ST6GALNAC5: variants seen among roughly 807,000 people sequenced by gnomAD.
The protein encoded by ST6GALNAC5 is ST6 N-acetylgalactosaminide alpha-2,6-sialyltransferase 5, also known as alpha-N-acetylgalactosaminide alpha-2,6-sialyltransferase 5.
A neutral mutation model predicts 33.6 loss-of-function variants in ST6GALNAC5; 27 were observed. That is an observed-to-expected ratio of 0.80 (90% CI 0.59 to 1.11). The LOEUF is 1.11. Ranked by LOEUF, ST6GALNAC5 falls within the 50% of genes least tolerant of loss-of-function variation. ST6GALNAC5 has a pLI of 0.00. For synonymous variants in ST6GALNAC5, 194 were observed against 171.2 expected (o/e 1.13, Z -1.04); for missense variants, 428 against 454.0 (o/e 0.94, Z 0.52).
At chr1:76,913,291 G>C (rs1345164946) in intron 2 of ST6GALNAC5, among the ~76,000 whole-genome samples, 1 of 151,616 alleles carries the variant, frequency 6.6e-6, no homozygotes, top group Non-Finnish European at 1.5e-5. Context: ...GAGATCTGCT[G>C]TTAGTCTGAT....
chr1:76,929,828 G>A (rs1647121303), intron 2 of ST6GALNAC5, among the ~76,000 whole-genome samples: 1 of 151,936 alleles, frequency 6.6e-6, no homozygotes, highest in Admixed American at 6.6e-5. Flanking sequence ...ATTAAAACTG[G>A]GGCCAGGAGT....
chr1:77,039,421 G>A (rs1039200593), intron 2 of ST6GALNAC5, among the ~76,000 whole-genome samples: 17 of 152,336 alleles, frequency 1.1e-4, no homozygotes, highest in Admixed American at 5.9e-4. Flanking sequence ...GTGGCAAATG[G>A]CCACAGCCTC....
chr1:76,927,335 T>G (rs1647095806), intron 2 of ST6GALNAC5, among the ~76,000 whole-genome samples: 1 of 152,094 alleles, frequency 6.6e-6, no homozygotes, highest in Non-Finnish European at 1.5e-5. Flanking sequence ...TATTGATATT[T>G]CTCAACACTA....
chr1:77,044,559 G>C lies in ST6GALNAC5; in HGVS notation c.617G>C (p.Arg206Pro), dbSNP rs145379056. ...CGGCTGAAGGCCTTCATGATTACTC[G>C]CCACAAGATGCTGCAGTTTGATGAG... ...LPRLKAFMIT[R>P]HKMLQFDELF... The change falls in exon 3 of 5, where the codon CGC (arginine) becomes CCC (proline). Residue 206 changes from arginine (R) to proline (P), a missense_variant. Arg to Pro is a moderately radical substitution (Grantham distance 103, BLOSUM62 -2). Transcript: ENST00000477717. The C allele has an allele frequency of 2.5e-6, 4 of 1,592,270 alleles. No individual in the cohort carries two copies. The highest frequency in any genetic ancestry group is 3.4e-4 in the Middle Eastern group (2 of 5,946).
intron 2 of ST6GALNAC5, among the ~76,000 whole-genome samples, chr1:77,032,457 A>C (rs897177143): frequency 2.0e-5 from 3 of 152,204 alleles, no homozygotes; most frequent in African/African-American, 4.8e-5. Flanking sequence ...GATTAACGTC[A>C]ACAGACATAC....
chr1:76,936,669 T>A (rs560165899), intron 2 of ST6GALNAC5, among the ~76,000 whole-genome samples: 1 of 152,196 alleles, frequency 6.6e-6, no homozygotes, highest in South Asian at 2.1e-4. Flanking sequence ...TTACAGAACA[T>A]TATTATAAGA....
At chr1:76,994,915 A>C (rs1649867612) in intron 2 of ST6GALNAC5, among the ~76,000 whole-genome samples, 1 of 152,180 alleles carries the variant, frequency 6.6e-6, no homozygotes, top group Non-Finnish European at 1.5e-5. Flanking sequence ...CCGGGCTCAA[A>C]CACCAACCTC....
intron 2 of ST6GALNAC5, among the ~76,000 whole-genome samples, chr1:77,041,622 C>A (rs567630259): frequency 7.9e-5 from 12 of 152,298 alleles, no homozygotes; most frequent in African/African-American, 2.9e-4. Flanking sequence ...CTCATCCCAA[C>A]AGTTCGCCCA....
intron 2 of ST6GALNAC5, among the ~76,000 whole-genome samples, chr1:76,983,491 C>A (rs1557747810): frequency 6.6e-6 from 1 of 152,180 alleles, no homozygotes. Context: ...GCACCCAATA[C>A]AAGAGCACCC....
intron 2 of ST6GALNAC5, among the ~76,000 whole-genome samples, chr1:76,954,792 T>C (rs1178360642): frequency 3.9e-5 from 6 of 152,150 alleles, no homozygotes; most frequent in Admixed American, 3.9e-4. Flanking sequence ...AGTAGAATAA[T>C]CATGGCCTCT....
intron 2 of ST6GALNAC5, among the ~76,000 whole-genome samples, chr1:77,031,401 G>A (rs1050441813): frequency 1.3e-5 from 2 of 152,226 alleles, no homozygotes; most frequent in Non-Finnish European, 2.9e-5. Flanking sequence ...AACACAGGCA[G>A]TTCAGTAAAC....
chr1:76,906,819 A>G (rs1646868242), intron 2 of ST6GALNAC5, among the ~76,000 whole-genome samples: 1 of 152,160 alleles, frequency 6.6e-6, no homozygotes, highest in Non-Finnish European at 1.5e-5. Flanking sequence ...AATGCCCCGT[A>G]GGTACTTTAT....
At chr1:77,028,108 C>A (rs1038152956) in intron 2 of ST6GALNAC5, among the ~76,000 whole-genome samples, 3 of 152,238 alleles carry the variant, frequency 2.0e-5, no homozygotes, top group Non-Finnish European at 4.4e-5. Context: ...ACTGTCAGCT[C>A]TAAAGGATAT....
intron 4 of ST6GALNAC5, among the ~76,000 whole-genome samples, chr1:77,061,202 C>T (rs771050585): frequency 1.5e-4 from 23 of 152,232 alleles, no homozygotes; most frequent in Admixed American, 2.6e-4. Context: ...ATTAGAGATG[C>T]AAAGTGTTAA....
chr1:76,969,711 C>T (rs1479401983), intron 2 of ST6GALNAC5, among the ~76,000 whole-genome samples: 1 of 152,166 alleles, frequency 6.6e-6, no homozygotes, highest in African/African-American at 2.4e-5. Flanking sequence ...AGAGAACAGA[C>T]AGACTGCCTC....
chr1:76,869,051 T>G, intron 2 of ST6GALNAC5: 1 of 280,184 alleles, frequency 3.6e-6, no homozygotes. Context: ...GGAGGTCCGG[T>G]TCCTGAAGCC....
chr1:76,998,030 C>A (rs574238314), intron 2 of ST6GALNAC5, among the ~76,000 whole-genome samples: 11 of 152,312 alleles, frequency 7.2e-5, no homozygotes, highest in African/African-American at 2.2e-4. Flanking sequence ...ATCCTCCCTC[C>A]TGCTGCCCTG....
intron 2 of ST6GALNAC5, among the ~76,000 whole-genome samples, chr1:76,994,651 C>T (rs1649855838): frequency 1.3e-5 from 2 of 152,162 alleles, no homozygotes; most frequent in African/African-American, 4.8e-5. Context: ...CATTGGGTTG[C>T]TATTATGGGT....
chr1:77,001,749 A>G (rs948212094), intron 2 of ST6GALNAC5, among the ~76,000 whole-genome samples: 10 of 149,750 alleles, frequency 6.7e-5, no homozygotes, highest in Middle Eastern at 3.5e-3. Context: ...TGAGATAATC[A>G]TGTGGTTTTT....
Sources: gnomAD v4.1 joint callset for allele counts (sites outside exome capture counted in the v4.1 genomes callset) on GRCh38, gnomAD v4.1.1 for gene constraint, MANE v1.5 for transcripts, NCBI Gene and HGNC (gene_info 2026-07-23, HGNC 2026-07-21) for gene names.